Variants in SSTR3 observed in about 807,000 individuals in gnomAD.
SSTR3 encodes somatostatin receptor type 3.
For missense variants in SSTR3, 504 were observed against 604.7 expected (o/e 0.83, Z 1.75); for synonymous variants, 281 against 269.2 (o/e 1.04, Z -0.43).
At chr22:37,217,436 C>G (rs543541793), upstream of SSTR3, among the ~76,000 whole-genome samples, 1 of 152,038 alleles carries the variant, frequency 6.6e-6, no homozygotes, top group African/African-American at 2.4e-5. Context: ...CACCAAGTAG[C>G]CTTTTAATCT....
At chr22:37,208,028 G>A (rs868826557) in intron 1 of SSTR3, among the ~76,000 whole-genome samples, 189 bp from the exon 2 acceptor site, 1 of 152,194 alleles carries the variant, frequency 6.6e-6, no homozygotes, top group Non-Finnish European at 1.5e-5. Flanking sequence ...GCTGAGTCGT[G>A]TTATCCCCTT....
At chr22:37,208,818 G>A (rs555964319) in intron 1 of SSTR3, among the ~76,000 whole-genome samples, 3 of 152,264 alleles carry the variant, frequency 2.0e-5, no homozygotes, top group Middle Eastern at 6.8e-3. Context: ...ATTGCTTTCT[G>A]CCCCATCACT....
intron 1 of SSTR3, chr22:37,210,420 C>T (rs1926121136): frequency 2.7e-6 from 2 of 739,304 alleles, no homozygotes; most frequent in Admixed American, 6.2e-5. Context: ...CCTCCCAGAA[C>T]CCCTGGCCCC....
At position 37,206,258 on chromosome 22, in the gene SSTR3, C is replaced by T; in HGVS notation, c.*289G>A. 1 of 389,296 alleles carries T rather than the reference C, an allele frequency of 2.6e-6. No homozygotes were observed. The highest frequency in any genetic ancestry group is 4.6e-6 in the Non-Finnish European group (1 of 219,104). 24.1% of individuals were successfully genotyped at this position (389,296 alleles called of 1,614,324 possible). On this transcript the variant is annotated 3_prime_UTR_variant, in exon 2 of 2. Transcript: ENST00000610913. ...TGGGGGGAGGCCAGTCTGCACCCAC[C>T]TTTTGCCTGCTCAGCCAGGTCAGCC... is the stretch of plus-strand genomic sequence containing the variant.
upstream of SSTR3, among the ~76,000 whole-genome samples, chr22:37,216,965 T>C (rs1245446181): frequency 3.3e-5 from 5 of 152,084 alleles, no homozygotes; most frequent in Admixed American, 3.3e-4. Flanking sequence ...CACACCCAGA[T>C]AGTTTTTGTA....
chr22:37,208,635 C>T (rs769545502), intron 1 of SSTR3, among the ~76,000 whole-genome samples: 4 of 152,204 alleles, frequency 2.6e-5, no homozygotes, highest in Admixed American at 2.6e-4. Flanking sequence ...GAAAAGGGGA[C>T]ATTTTCAGAA....
At chr22:37,213,824 G>A (rs1178643754), upstream of SSTR3, among the ~76,000 whole-genome samples, 1 of 152,166 alleles carries the variant, frequency 6.6e-6, no homozygotes, top group Admixed American at 6.5e-5. Context: ...GATTCCTGCC[G>A]CCTGCGCGGG....
At chr22:37,219,951 C>T in the SSTR3 span, among the ~76,000 whole-genome samples, 1 of 152,168 alleles carries the variant, frequency 6.6e-6, no homozygotes, top group Non-Finnish European at 1.5e-5. Flanking sequence ...TCCATTCTTT[C>T]ACCCACTTAC....
At chr22:37,219,770 T>C in the SSTR3 span, among the ~76,000 whole-genome samples, 1 of 152,178 alleles carries the variant, frequency 6.6e-6, no homozygotes, top group African/African-American at 2.4e-5. Context: ...GCTGGGCTCA[T>C]TCAGGCCATT....
In SSTR3 at chr22:37,207,398, C is replaced by T. The variant is rs1925889057; in HGVS notation, c.406G>A (p.Val136Ile). 6.2e-7 allele frequency: 1 copy of T among 1,612,932 alleles called. No homozygotes were observed. Among genetic ancestry groups the T allele is most frequent in the South Asian group, 1.1e-5 (1 of 91,060 alleles). Residue 136 changes from valine to isoleucine, a missense_variant, in exon 2 of 2, where the codon GTC becomes ATC. Transcript: ENST00000610913. ...NQFTSIFCLTVMSVDRYLAVV... is the reference protein window; with the variant it reads ...NQFTSIFCLTIMSVDRYLAVV... ...GCCAGGTAGCGGTCCACGCTCATGA[C>T]AGTCAGGCAGAATATGCTGGTGAAC...
Position 37,207,156 on chromosome 22 carries a change from G to A in SSTR3, c.648C>T (p.Phe216=), listed in dbSNP as rs752284936. Residue 216 remains phenylalanine, a synonymous_variant, in exon 2 of 2, where the codon TTC becomes TTT. Coordinates refer to ENST00000610913, the MANE Select transcript of SSTR3 (RefSeq NM_001051.5). ...AGAGGCAGATGACCAGCAGCGGCCC[G>A]AAGAAGCCCAGTGCGGCCGTGTAGA... is the stretch of plus-strand genomic sequence containing the variant. The part of the protein sequence containing the change: ...FIIYTAALGF[F]GPLLVICLCY... 40 of 1,612,412 alleles carry A rather than the reference G, an allele frequency of 2.5e-5. No individual in the cohort carries two copies. Among genetic ancestry groups the A allele is most frequent in the East Asian group, 4.5e-5 (2 of 44,882 alleles).
chr22:37,209,123 T>C (rs1037236397), intron 1 of SSTR3, among the ~76,000 whole-genome samples: 5 of 152,212 alleles, frequency 3.3e-5, no homozygotes, highest in Non-Finnish European at 5.9e-5. Flanking sequence ...AAGCCCTTCT[T>C]CTAATATCCC....
upstream of SSTR3, among the ~76,000 whole-genome samples, chr22:37,214,912 A>C (rs1926374014): frequency 6.6e-6 from 1 of 152,140 alleles, no homozygotes; most frequent in Non-Finnish European, 1.5e-5. Context: ...CGGTGCCGCG[A>C]GTCCCTAGCA....
At chr22:37,209,018 C>A (rs1429362466) in intron 1 of SSTR3, among the ~76,000 whole-genome samples, 2 of 152,154 alleles carry the variant, frequency 1.3e-5, no homozygotes, top group Non-Finnish European at 2.9e-5. Context: ...CACTGCACCC[C>A]CTCTTCCTAA....
chr22:37,206,231 C>G lies in SSTR3; in HGVS notation c.*316G>C, dbSNP rs1925725295. On this transcript the variant is annotated 3_prime_UTR_variant, in exon 2 of 2. Transcript: ENST00000610913. ...AGTTGATGCCCCAAGACACTCCATC[C>G]CTGGGGGGAGGCCAGTCTGCACCCA... The G allele has an allele frequency of 3.2e-6, 1 of 312,468 alleles. No individual in the cohort carries two copies. Among genetic ancestry groups the G allele is most frequent in the South Asian group, 8.6e-5 (1 of 11,594 alleles). The allele number at this position is 312,468 out of a possible 1,614,324, so 19.4% of individuals were successfully genotyped here. A position where few individuals can be genotyped will look rare whatever the true frequency, so the allele number is the denominator to read the frequency against.
At chr22:37,215,896 G>A (rs186831787), upstream of SSTR3, 70 of 262,338 alleles carry the variant, frequency 2.7e-4, no homozygotes, top group Non-Finnish European at 5.2e-4. Flanking sequence ...AAGCTGTGGC[G>A]AGAAACGGAG....
rs770747977 is a variant in SSTR3 at position 37,207,139 on chromosome 22, A to T, written c.665T>A (p.Ile222Asn). The change falls in exon 2 of 2, where the codon ATC becomes AAC. Residue 222 changes from isoleucine to asparagine, a missense_variant. Physicochemically the swap from Ile to Asn is moderately radical, Grantham distance 149 (BLOSUM62 -3). Coordinates refer to ENST00000610913, the MANE Select transcript of SSTR3 (RefSeq NM_001051.5). ...CACGATGAGCAGGTAGCAGAGGCAG[A>T]TGACCAGCAGCGGCCCGAAGAAGCC... ...ALGFFGPLLVICLCYLLIVVK... is the reference protein window; with the variant it reads ...ALGFFGPLLVNCLCYLLIVVK... The T allele has an allele frequency of 6.2e-7, 1 of 1,612,594 alleles. No individual in the cohort carries two copies. Among genetic ancestry groups the T allele is most frequent in the Non-Finnish European group, 8.5e-7 (1 of 1,179,686 alleles).
the SSTR3 span, among the ~76,000 whole-genome samples, chr22:37,219,536 T>C: frequency 5.9e-5 from 9 of 152,212 alleles, no homozygotes; most frequent in Admixed American, 2.6e-4. Context: ...TCCCATATCA[T>C]GTGAGAGCTG....
intron 1 of SSTR3, among the ~76,000 whole-genome samples, chr22:37,209,195 A>G (rs914870126): frequency 1.3e-5 from 2 of 152,244 alleles, no homozygotes; most frequent in African/African-American, 4.8e-5. Context: ...CCCTATATGG[A>G]TGTCACTGTT....
Sources: allele counts gnomAD v4.1 joint callset (sites outside exome capture counted in the v4.1 genomes callset), GRCh38; gene constraint gnomAD v4.1.1; transcripts MANE v1.5; gene names NCBI Gene and HGNC (gene_info 2026-07-23, HGNC 2026-07-21).